CDC42BPA: variants seen among roughly 807,000 people sequenced by gnomAD.
CDC42BPA encodes the protein CDC42 binding protein kinase alpha, also known as serine/threonine-protein kinase MRCK alpha.
CDC42BPA carries 80 observed loss-of-function variants against 223.5 expected under a neutral mutation model. That is an observed-to-expected ratio of 0.36 (90% CI 0.30 to 0.43). The LOEUF is 0.43. Ranked by LOEUF, CDC42BPA falls within the 20% of genes least tolerant of loss-of-function variation. CDC42BPA has a pLI of 1.00. For synonymous variants in CDC42BPA, 694 were observed against 718.6 expected, an observed-to-expected ratio of 0.97 and a Z score of 0.55; for missense variants, 1,743 against 2,099.9, an observed-to-expected ratio of 0.83 and a Z score of 3.32.
chr1:227,238,177 A>AC lies in CDC42BPA; in HGVS notation c.270+15886dup, dbSNP rs1042192157. ...AGACCAGCCTGGGCAACAAAGTGAG[A>AC]CCCCCATCTCTATTTTTTTTTTTAA... is the stretch of plus-strand genomic sequence containing the variant. On this transcript the variant is annotated intron_variant, in intron 2 of 36. Transcript: ENST00000366766. Among the ~76,000 whole-genome samples, 25 of 149,718 alleles carry AC rather than the reference A, an allele frequency of 1.7e-4. No individual in the cohort carries two copies. In the South Asian group the frequency reaches 1.7e-3, roughly 10 times the overall value.
chr1:227,264,912 G>A (rs1202282025), intron 1 of CDC42BPA: 2 of 1,357,106 alleles, frequency 1.5e-6, no homozygotes, highest in African/African-American at 2.9e-5. Context: ...TCAGATACCA[G>A]CTCAATACCC....
intron 1 of CDC42BPA, among the ~76,000 whole-genome samples, chr1:227,281,170 G>T (rs1687956866): frequency 6.6e-6 from 1 of 152,178 alleles, no homozygotes; most frequent in South Asian, 2.1e-4. Context: ...AGTTAGCCTA[G>T]CAAAACCCTT....
chr1:227,081,235 A>G (rs1680553052), intron 16 of CDC42BPA, among the ~76,000 whole-genome samples: 1 of 151,888 alleles, frequency 6.6e-6, no homozygotes, highest in Non-Finnish European at 1.5e-5. Context: ...GGTTCTGTGA[A>G]CATTCTCTAC....
At chr1:227,017,343 T>C (rs1441666958) in intron 32 of CDC42BPA, among the ~76,000 whole-genome samples, 3 of 152,202 alleles carry the variant, frequency 2.0e-5, no homozygotes, top group Non-Finnish European at 2.9e-5. Flanking sequence ...GTTCTGTCAC[T>C]AATCAGCCAC....
intron 2 of CDC42BPA, among the ~76,000 whole-genome samples, chr1:227,251,423 A>G (rs1681986512): frequency 6.6e-6 from 1 of 152,196 alleles, no homozygotes; most frequent in South Asian, 2.1e-4. Flanking sequence ...AAACAAATAT[A>G]AAACAAGTAG....
chr1:227,236,898 C>A, intron 2 of CDC42BPA, among the ~76,000 whole-genome samples: 1 of 151,942 alleles, frequency 6.6e-6, no homozygotes, highest in East Asian at 1.9e-4. Context: ...CAAAAGTTAG[C>A]CAGTTGTGGT....
At chr1:227,049,292 T>G (rs950150762) in intron 22 of CDC42BPA, among the ~76,000 whole-genome samples, 1 of 151,642 alleles carries the variant, frequency 6.6e-6, no homozygotes, top group Non-Finnish European at 1.5e-5. Context: ...GACAAGGCAA[T>G]GCACAGTAAG....
intron 1 of CDC42BPA, among the ~76,000 whole-genome samples, chr1:227,315,848 C>T (rs1218587870): frequency 1.3e-5 from 2 of 150,264 alleles, no homozygotes; most frequent in Non-Finnish European, 2.9e-5. Context: ...CATCACATTG[C>T]TAGAAACCTT....
At chr1:227,117,639 A>T (rs1448909896) in intron 12 of CDC42BPA, among the ~76,000 whole-genome samples, 3 of 152,166 alleles carry the variant, frequency 2.0e-5, no homozygotes, top group Non-Finnish European at 2.9e-5. Context: ...TTTAATCAAA[A>T]TTCCATCTTC....
intron 1 of CDC42BPA, among the ~76,000 whole-genome samples, chr1:227,290,922 T>G (rs11799960): frequency 0.16 from 23,936 of 152,050 alleles, 2,174 homozygotes; most frequent in East Asian, 0.37. Context: ...ACAAATAAAC[T>G]GTAGGCCACA....
chr1:227,166,762 C>T (rs895544165), intron 5 of CDC42BPA, among the ~76,000 whole-genome samples: 1 of 152,078 alleles, frequency 6.6e-6, no homozygotes, highest in Admixed American at 6.6e-5. Context: ...TCACTAGGGG[C>T]GGGAGTGGGG....
At chr1:227,188,518 T>C (rs1400918422) in intron 5 of CDC42BPA, among the ~76,000 whole-genome samples, 1 of 152,100 alleles carries the variant, frequency 6.6e-6, no homozygotes, top group Non-Finnish European at 1.5e-5. Context: ...CTATGGTACA[T>C]GCCGACAATA....
intron 14 of CDC42BPA, 129 bp from the exon 15 acceptor site, chr1:227,101,368 C>G: frequency 1.8e-6 from 1 of 543,960 alleles, no homozygotes; most frequent in Non-Finnish European, 3.0e-6. Flanking sequence ...AAATAAAATT[C>G]TATGTTAAAT....
At position 227,142,927 on chromosome 1, in the gene CDC42BPA, T is replaced by C. The variant is rs911130024; in HGVS notation, c.1223+18A>G. On this transcript the variant is annotated intron_variant, in intron 9 of 36. Transcript: ENST00000366766. The stretch of plus-strand genomic sequence containing the variant: ...GCCACTGCACTTGGCCCAAACTATG[T>C]TAACTTTTCAAACTTACCAGCTACT... 2.6e-6 allele frequency: 4 copies of C among 1,537,252 alleles called. No homozygotes were observed. Among genetic ancestry groups the C allele is most frequent in the Admixed American group, 4.3e-5 (2 of 46,516 alleles).
chr1:227,254,332 T>C (rs1682677256), intron 1 of CDC42BPA, among the ~76,000 whole-genome samples, 177 bp from the exon 2 acceptor site: 1 of 152,170 alleles, frequency 6.6e-6, no homozygotes, highest in Admixed American at 6.5e-5. Flanking sequence ...AAGAAAACAA[T>C]ATATTTTCTT....
chr1:227,073,191 T>C (rs1678777295), intron 19 of CDC42BPA, among the ~76,000 whole-genome samples: 3 of 152,144 alleles, frequency 2.0e-5, no homozygotes, highest in Non-Finnish European at 2.9e-5. Context: ...GTTTCACTTG[T>C]GATGTGAAGT....
At chr1:227,071,000 G>C (rs1678203326) in intron 20 of CDC42BPA, among the ~76,000 whole-genome samples, 2 of 151,832 alleles carry the variant, frequency 1.3e-5, no homozygotes, top group South Asian at 4.1e-4. Context: ...ACTAAATAAT[G>C]TATCTTCTTT....
chr1:227,042,434 T>C (rs1671565975), intron 23 of CDC42BPA, among the ~76,000 whole-genome samples: 1 of 152,026 alleles, frequency 6.6e-6, no homozygotes, highest in Non-Finnish European at 1.5e-5. Context: ...TAATAAATCA[T>C]CCAACTGGTA....
chr1:227,186,519 A>C (rs1486870533), intron 5 of CDC42BPA, among the ~76,000 whole-genome samples: 5 of 152,110 alleles, frequency 3.3e-5, no homozygotes, highest in African/African-American at 1.2e-4. Flanking sequence ...GCAGGAAGGG[A>C]GGTACAGAGG....
Sources: allele counts gnomAD v4.1 joint callset (sites outside exome capture counted in the v4.1 genomes callset), GRCh38; gene constraint gnomAD v4.1.1; transcripts MANE v1.5; gene names NCBI Gene and HGNC (gene_info 2026-07-23, HGNC 2026-07-21).